The following PLS3 variants were observed in gnomAD, a reference collection of about 807,000 sequenced individuals.
PLS3 encodes the protein plastin 3, also known as plastin-3.
Under a neutral mutation model 46.5 loss-of-function variants are expected in PLS3, and 11 were observed. That is an observed-to-expected ratio of 0.24 (90% confidence interval 0.15 to 0.39). The LOEUF (loss-of-function observed/expected upper bound fraction) is 0.39, where lower values mean the gene tolerates loss of function less well. PLS3 is among the 10% of genes least tolerant of loss of function. The pLI is 1.00. For missense variants in PLS3, 308 were observed against 461.8 expected, an observed-to-expected ratio of 0.67 and a Z score of 3.05; for synonymous variants, 167 against 162.2, an observed-to-expected ratio of 1.03 and a Z score of -0.22.
chrX:115,575,826 AGT>A (rs782196281), intron 1 of PLS3, among the ~76,000 whole-genome samples: 1 of 111,739 alleles, frequency 8.9e-6, no homozygotes, highest in Non-Finnish European at 1.9e-5. Context: ...CGTTTTCCTT[AGT>A]AGTATTTATA....
chrX:115,611,044 G>A, intron 2 of PLS3: 1 of 394,883 alleles, frequency 2.5e-6, no homozygotes. Flanking sequence ...TGCTTAGAGA[G>A]GTAGATTATT....
chrX:115,638,964 T>G (rs2074867633), intron 8 of PLS3, among the ~76,000 whole-genome samples: 1 of 111,033 alleles, frequency 9.0e-6, no homozygotes, highest in Admixed American at 9.6e-5. Context: ...TCTGCCTACC[T>G]CGGCCTCCCA....
Position 115,647,412 on chromosome X carries a change from C to T in PLS3, c.1512-138C>T, listed in dbSNP as rs782721474. On this transcript the variant is annotated intron_variant, in intron 13 of 15. Transcript: ENST00000355899. ...TTGCGCCACTGCACTCCAGCCTGGG[C>T]GACAGAGCGAGACTCCGTCTCAAAA... 28 of 576,116 alleles carry T rather than the reference C, an allele frequency of 4.9e-5. No individual in the cohort carries two copies. The South Asian group carries it at 6.6e-4, about 13-fold the overall frequency. 47.5% of individuals were successfully genotyped at this position (576,116 alleles called of 1,213,427 possible). A position where few individuals can be genotyped will look rare whatever the true frequency, so the allele number is the denominator to read the frequency against.
intron 1 of PLS3, among the ~76,000 whole-genome samples, chrX:115,590,815 G>A (rs1463360867): frequency 9.1e-6 from 1 of 110,132 alleles, no homozygotes; most frequent in Admixed American, 9.7e-5. Context: ...GCGAGACTCC[G>A]TCTCAAAAAT....
At chrX:115,576,477 G>A (rs1556631216) in intron 1 of PLS3, among the ~76,000 whole-genome samples, 3 of 111,793 alleles carry the variant, frequency 2.7e-5, no homozygotes, top group African/African-American at 6.5e-5. Flanking sequence ...AGGCTGAGGT[G>A]GGAGGGTTGC....
In PLS3 at chrX:115,590,529, T is replaced by A. The variant is rs2074337605; in HGVS notation, c.-8-19714T>A. On this transcript the variant is annotated intron_variant, in intron 1 of 15. Transcript: ENST00000355899. The stretch of plus-strand genomic sequence containing the variant: ...GGTTAAATTACTGATGTGGTAGAAC[T>A]GTCTTTTAGCCCGGGCACAGTTGCT... 3.6e-5 allele frequency among the ~76,000 whole-genome samples: 4 copies of A among 112,219 alleles called. No individual in the cohort carries two copies. The Admixed American group carries it at 3.8e-4, about 11-fold the overall frequency.
In PLS3 at chrX:115,594,303, C is replaced by T. The variant is rs191325969; in HGVS notation, c.-8-15940C>T. 2.7e-3 allele frequency among the ~76,000 whole-genome samples: 307 copies of T among 111,693 alleles called. 2 individuals are homozygous for T. The highest frequency in any genetic ancestry group is 5.6e-3 in the Admixed American group (59 of 10,451). ...ATATAAGTTTAATTTCCCCATATTT[C>T]TGGCAAAGGGAAGTATAGCTAGTTA... On this transcript the variant is annotated intron_variant, in intron 1 of 15. Coordinates refer to ENST00000355899, the MANE Select transcript of PLS3 (RefSeq NM_005032.7).
chrX:115,582,156 T>G (rs1433700745), intron 1 of PLS3, among the ~76,000 whole-genome samples: 1 of 112,475 alleles, frequency 8.9e-6, no homozygotes, highest in Non-Finnish European at 1.9e-5. Context: ...CAGTGAATTC[T>G]CAGCTAGTGA....
At chrX:115,644,905 T>A (rs2074935509) in intron 10 of PLS3, 116 bp from the exon 11 acceptor site, 1 of 472,045 alleles carries the variant, frequency 2.1e-6, no homozygotes, top group Non-Finnish European at 3.6e-6. Flanking sequence ...ACTCGTATTA[T>A]CGAAAAATTC....
intron 11 of PLS3, among the ~76,000 whole-genome samples, chrX:115,645,763 C>T (rs968323694): frequency 4.5e-5 from 5 of 111,380 alleles, no homozygotes; most frequent in African/African-American, 1.3e-4. Context: ...CAATACCCCC[C>T]GTATTGTTTG....
At chrX:115,611,031 A>T (rs2074543363) in intron 2 of PLS3, 18 of 432,002 alleles carry the variant, frequency 4.2e-5, no homozygotes, top group Non-Finnish European at 7.3e-5. Flanking sequence ...ATGAATCAAC[A>T]TGTGCTTAGA....
intron 1 of PLS3, among the ~76,000 whole-genome samples, chrX:115,583,059 G>T (rs962405122): frequency 1.8e-5 from 2 of 111,762 alleles, no homozygotes; most frequent in Non-Finnish European, 3.8e-5. Context: ...GAAAAGAAAA[G>T]AAAAAGCTAA....
At chrX:115,636,449 G>T (rs1173204096) in intron 7 of PLS3, among the ~76,000 whole-genome samples, 4 of 110,685 alleles carry the variant, frequency 3.6e-5, no homozygotes, top group Non-Finnish European at 5.7e-5. Context: ...CTCGTGATCC[G>T]CCCGCCTCGG....
In PLS3 at chrX:115,636,829, C is replaced by G; in HGVS notation, c.749-7C>G. 9.3e-7 allele frequency: 1 copy of G among 1,075,792 alleles called. No homozygotes were observed. Among genetic ancestry groups the G allele is most frequent in the Non-Finnish European group, 1.2e-6 (1 of 824,739 alleles). The allele number at this position is 1,075,792 out of a possible 1,213,427, so 88.7% of individuals were successfully genotyped here. On this transcript the variant is annotated splice_polypyrimidine_tract_variant and splice_region_variant and intron_variant, in intron 7 of 15. Transcript: ENST00000355899. ...ATAACTGTGGGATTTTTTTTTTTTT[C>G]TTCTAGCCTTGGCTGCTTTACTCCG...
intron 3 of PLS3, among the ~76,000 whole-genome samples, chrX:115,626,354 G>A (rs2074710531): frequency 1.9e-5 from 2 of 106,841 alleles, no homozygotes; most frequent in Admixed American, 1.0e-4. Flanking sequence ...GCGTGATCTC[G>A]GCTCACTGCA....
At chrX:115,581,005 G>T (rs1340043281) in intron 1 of PLS3, among the ~76,000 whole-genome samples, 3 of 111,204 alleles carry the variant, frequency 2.7e-5, no homozygotes, top group African/African-American at 9.8e-5. Flanking sequence ...CAAAGTCCTG[G>T]TATTACAGGC....
intron 1 of PLS3, among the ~76,000 whole-genome samples, chrX:115,592,580 A>G (rs1556633271): frequency 9.0e-6 from 1 of 111,666 alleles, no homozygotes; most frequent in Non-Finnish European, 1.9e-5. Context: ...TCTCTCTCAT[A>G]AAAGGCACTC....
Position 115,629,909 on chromosome X carries a change from C to G in PLS3, c.442C>G (p.Pro148Ala). The change falls in exon 5 of 16, where the codon CCA becomes GCA. Residue 148 changes from proline (P) to alanine (A), a missense_variant. Pro to Ala is a conservative substitution (Grantham distance 27, BLOSUM62 -1). Coordinates refer to ENST00000355899, the MANE Select transcript of PLS3 (RefSeq NM_005032.7). Reference protein sequence around the residue: ...ENDPDCRHVIPMNPNTDDLFK... With the variant: ...ENDPDCRHVIAMNPNTDDLFK... ...TGATCCTGATTGTAGACATGTTATA[C>G]CAATGAACCCTAACACCGATGACCT... 8.5e-7 allele frequency: 1 copy of G among 1,169,926 alleles called. No homozygotes were observed. Among genetic ancestry groups the G allele is most frequent in the Non-Finnish European group, 1.2e-6 (1 of 859,816 alleles).
intron 1 of PLS3, chrX:115,562,488 C>G (rs1206345937): frequency 8.9e-6 from 1 of 111,980 alleles, no homozygotes; most frequent in South Asian, 3.8e-4. Context: ...TGGAGAGCCT[C>G]GCCATTTAGC....
Sources: allele counts gnomAD v4.1 joint callset (sites outside exome capture counted in the v4.1 genomes callset), GRCh38; gene constraint gnomAD v4.1.1; transcripts MANE v1.5; gene names NCBI Gene and HGNC (gene_info 2026-07-23, HGNC 2026-07-21).